Variants in RBFOX3 observed in about 807,000 individuals in gnomAD.
The protein encoded by RBFOX3 is RNA binding protein fox-1 homolog 3.
In RBFOX3, 17 loss-of-function variants were observed where a neutral mutation model predicts 48.7. That is an observed-to-expected ratio of 0.35 (90% confidence interval 0.24 to 0.52). The LOEUF is 0.52. RBFOX3 is among the 20% of genes least tolerant of loss of function. The pLI is 0.94. For missense variants in RBFOX3, 382 were observed against 497.5 expected, an observed-to-expected ratio of 0.77 and a Z score of 2.21; for synonymous variants, 212 against 209.5, an observed-to-expected ratio of 1.01 and a Z score of -0.10.
intron 1 of RBFOX3, among the ~76,000 whole-genome samples, chr17:79,505,203 T>G (rs1157770674): frequency 6.6e-6 from 1 of 152,142 alleles, no homozygotes. Flanking sequence ...ACCACCATCA[T>G]GATCGCTTCA....
intron 2 of RBFOX3, among the ~76,000 whole-genome samples, chr17:79,399,453 G>A (rs1815720960): frequency 6.6e-6 from 1 of 152,136 alleles, no homozygotes; most frequent in South Asian, 2.1e-4. Context: ...TGGCGTGACT[G>A]CAGGTTCCAT....
intron 3 of RBFOX3, among the ~76,000 whole-genome samples, chr17:79,282,335 T>C (rs1729399267): frequency 6.6e-6 from 1 of 152,224 alleles, no homozygotes; most frequent in African/African-American, 2.4e-5. Context: ...ACAGGAAAAC[T>C]TCCATGTCAA....
intron 2 of RBFOX3, among the ~76,000 whole-genome samples, chr17:79,313,366 T>C (rs995000551): frequency 3.7e-4 from 56 of 152,148 alleles, no homozygotes; most frequent in African/African-American, 1.3e-3. Context: ...ACAGTGAATA[T>C]AGCAGCCTGG....
chr17:79,101,474 G>C (rs891726662), intron 9 of RBFOX3, 110 bp downstream of exon 9: 1 of 985,600 alleles, frequency 1.0e-6, no homozygotes, highest in Non-Finnish European at 1.6e-6. Context: ...CACTGGGGAC[G>C]GAGGCTGCCT....
At chr17:79,521,639 TCACA>T (rs1330592575) in intron 1 of RBFOX3, among the ~76,000 whole-genome samples, 2 of 150,902 alleles carry the variant, frequency 1.3e-5, no homozygotes, top group Non-Finnish European at 3.0e-5. Flanking sequence ...TCATATACAC[TCACA>T]CACAGATACA....
At chr17:79,112,764 A>T (rs2032287438) in intron 5 of RBFOX3, among the ~76,000 whole-genome samples, 1 of 152,048 alleles carries the variant, frequency 6.6e-6, no homozygotes, top group Non-Finnish European at 1.5e-5. Flanking sequence ...CTGCCAGGGC[A>T]GCCCATGCTC....
chr17:79,095,688 C>T, intron 12 of RBFOX3, 114 bp from the exon 13 acceptor site: 3 of 851,828 alleles, frequency 3.5e-6, no homozygotes, highest in Non-Finnish European at 5.6e-6. Flanking sequence ...GGAGGGACTA[C>T]AGACCTTCCC....
intron 14 of RBFOX3, chr17:79,091,955 A>G (rs1441886522): frequency 1.0e-6 from 1 of 985,314 alleles, no homozygotes; most frequent in Admixed American, 6.1e-5. Context: ...AATATCGTCA[A>G]TAAAATTTAA....
intron 2 of RBFOX3, among the ~76,000 whole-genome samples, chr17:79,352,452 T>C (rs1417692393): frequency 6.6e-6 from 1 of 152,194 alleles, no homozygotes; most frequent in South Asian, 2.1e-4. Flanking sequence ...TAAATCTCTT[T>C]TCTTTATAAA....
rs2078911239 is a variant in RBFOX3 at position 79,482,463 on chromosome 17, GGAGGT to G, written c.-189_-185del. On this transcript the variant is annotated 5_prime_UTR_variant, in exon 2 of 15. Transcript: ENST00000693108. The surrounding 1 kb of genome is among the most constrained non-coding windows in gnomAD (Gnocchi z 4.1). Reference sequence around the variant, plus strand: ...GGTGGGGCCGCCTTACCTGGTAGTGGGAGGTGAGGTCTGCTTTGCTGAGCGGGGAG... The same window carrying G: ...GGTGGGGCCGCCTTACCTGGTAGTGGGAGGTCTGCTTTGCTGAGCGGGGAG... 6.6e-6 allele frequency: 1 copy of G among 152,202 alleles called. No individual in the cohort carries two copies. The highest frequency in any genetic ancestry group is 1.5e-5 in the Non-Finnish European group (1 of 68,036). 9.4% of individuals were successfully genotyped at this position (152,202 alleles called of 1,614,324 possible).
At chr17:79,434,103 C>A (rs1334370933) in intron 2 of RBFOX3, among the ~76,000 whole-genome samples, 5 of 152,140 alleles carry the variant, frequency 3.3e-5, no homozygotes, top group African/African-American at 1.2e-4. Flanking sequence ...ACGGAAAGCA[C>A]AAAAACGTGA....
intron 1 of RBFOX3, among the ~76,000 whole-genome samples, chr17:79,567,429 C>G (rs1028158849): frequency 6.6e-6 from 1 of 152,062 alleles, no homozygotes; most frequent in South Asian, 2.1e-4. Context: ...AAGTGATCTG[C>G]CCGCCTTGGC....
chr17:79,448,198 C>A (rs7218261), intron 2 of RBFOX3, among the ~76,000 whole-genome samples: 30,595 of 152,026 alleles, frequency 0.2, 3,277 homozygotes, highest in Non-Finnish European at 0.24. Context: ...GTTCAGGAGC[C>A]CCCAGAAGAG....
intron 5 of RBFOX3, 126 bp from the exon 6 acceptor site, chr17:79,106,914 C>G (rs1180074789): frequency 7.9e-7 from 1 of 1,272,410 alleles, no homozygotes; most frequent in Non-Finnish European, 1.0e-6. Context: ...TCCCCCATCC[C>G]TGGGCTGGGA....
At chr17:79,583,895 G>C (rs1317479172) in intron 1 of RBFOX3, among the ~76,000 whole-genome samples, 4 of 152,144 alleles carry the variant, frequency 2.6e-5, no homozygotes, top group African/African-American at 9.7e-5. Flanking sequence ...AGGGCTTTAG[G>C]AGGTGAGAGG....
At chr17:79,161,959 T>A (rs570936885) in intron 4 of RBFOX3, among the ~76,000 whole-genome samples, 1 of 152,254 alleles carries the variant, frequency 6.6e-6, no homozygotes, top group African/African-American at 2.4e-5. Context: ...AAGGAGGCTA[T>A]GAGGCCCCAG....
At chr17:79,288,719 C>G (rs753456127) in intron 3 of RBFOX3, among the ~76,000 whole-genome samples, 1 of 152,148 alleles carries the variant, frequency 6.6e-6, no homozygotes, top group Non-Finnish European at 1.5e-5. Context: ...CACCCCACAG[C>G]GACATGCTCT....
At chr17:79,356,393 G>T (rs1937416434) in intron 2 of RBFOX3, among the ~76,000 whole-genome samples, 1 of 48,682 alleles carries the variant, frequency 2.1e-5, no homozygotes, top group Non-Finnish European at 4.1e-5. Context: ...TTTTGAGGAG[G>T]AGTCTCACTC....
chr17:79,572,673 G>A (rs1212585168), intron 1 of RBFOX3, among the ~76,000 whole-genome samples: 1 of 152,210 alleles, frequency 6.6e-6, no homozygotes, highest in Non-Finnish European at 1.5e-5. Context: ...AAAGGCAGGA[G>A]GGCAGCCAGC....
Sources: allele counts gnomAD v4.1 joint callset (sites outside exome capture counted in the v4.1 genomes callset), GRCh38; gene constraint gnomAD v4.1.1; non-coding constraint Gnocchi (gnomAD v3.1); transcripts MANE v1.5; gene names NCBI Gene and HGNC (gene_info 2026-07-23, HGNC 2026-07-21).